The following COLGALT2 variants were observed in gnomAD, a reference collection of about 807,000 sequenced individuals.
COLGALT2 encodes the protein collagen beta(1-O)galactosyltransferase 2.
COLGALT2 carries 49 observed loss-of-function variants against 73.4 expected under a neutral mutation model. The observed-to-expected ratio is 0.67, with a 90% CI of 0.53 to 0.85. COLGALT2 has a LOEUF of 0.85. Among genes scored for constraint, COLGALT2 ranks in the 40% least tolerant of loss-of-function variants. The probability of loss-of-function intolerance (pLI) is 0.00; values close to 1 mark genes in which losing one functional copy is unlikely to be tolerated. For synonymous variants in COLGALT2, 295 were observed against 307.6 expected (o/e 0.96, Z 0.43); for missense variants, 722 against 790.2 (o/e 0.91, Z 1.03).
At position 183,951,126 on chromosome 1, in the gene COLGALT2, G is replaced by A; in HGVS notation, c.1030-13C>T. On this transcript the variant is annotated splice_polypyrimidine_tract_variant and intron_variant, in intron 7 of 11. Coordinates refer to ENST00000361927, the MANE Select transcript of COLGALT2 (RefSeq NM_015101.4). ...TTATCATGAAAATCTAATGCAAGAA[G>A]GAAAAGGGAAAAGACACATAAATTA... The A allele has an allele frequency of 6.4e-7, 1 of 1,569,598 alleles. No individual in the cohort carries two copies. Among genetic ancestry groups the A allele is most frequent in the Non-Finnish European group, 8.8e-7 (1 of 1,139,602 alleles).
At chr1:183,973,498 A>G (rs1671105336) in intron 4 of COLGALT2, 118 bp downstream of exon 4, 3 of 1,309,868 alleles carry the variant, frequency 2.3e-6, no homozygotes, top group East Asian at 4.7e-5. Context: ...TGCTCTGGGA[A>G]CACAATGACA....
intron 1 of COLGALT2, among the ~76,000 whole-genome samples, chr1:184,029,778 G>T (rs910997049): frequency 6.6e-6 from 1 of 152,204 alleles, no homozygotes; most frequent in Non-Finnish European, 1.5e-5. Context: ...TGTTATCAGA[G>T]AGGCCTTCAG....
At chr1:184,020,972 C>A (rs1649162670) in intron 1 of COLGALT2, among the ~76,000 whole-genome samples, 1 of 151,952 alleles carries the variant, frequency 6.6e-6, no homozygotes, top group African/African-American at 2.4e-5. Flanking sequence ...TGGCATTCCC[C>A]AGAGCAAGCA....
chr1:183,930,569 C>CTTT (rs397861890), intron 11 of COLGALT2, among the ~76,000 whole-genome samples: 841 of 114,078 alleles, frequency 7.4e-3, no homozygotes, highest in East Asian at 0.014. Flanking sequence ...TTTTCTTTTT[C>CTTT]TTTTTTTTTT....
downstream of COLGALT2, among the ~76,000 whole-genome samples, chr1:183,932,849 C>T (rs1026056360): frequency 6.6e-6 from 1 of 152,142 alleles, no homozygotes; most frequent in Non-Finnish European, 1.5e-5. Context: ...GAGTCCCCAC[C>T]TCCTTGGGTG....
chr1:183,959,720 C>T (rs1274976493), intron 6 of COLGALT2, among the ~76,000 whole-genome samples: 1 of 152,098 alleles, frequency 6.6e-6, no homozygotes, highest in African/African-American at 2.4e-5. Context: ...CATGCCCCCT[C>T]TGCCCCACCC....
chr1:183,960,832 T>A (rs1670679800), intron 6 of COLGALT2, among the ~76,000 whole-genome samples: 1 of 152,214 alleles, frequency 6.6e-6, no homozygotes, highest in Non-Finnish European at 1.5e-5. Context: ...AGACAATCTT[T>A]CTTCTTCCAG....
chr1:183,960,300 G>A (rs1670664262), intron 6 of COLGALT2, among the ~76,000 whole-genome samples: 1 of 152,044 alleles, frequency 6.6e-6, no homozygotes, highest in Non-Finnish European at 1.5e-5. Context: ...TCTTTTCTTG[G>A]TCTGTTTCCT....
chr1:183,999,815 A>G (rs1671866881), intron 1 of COLGALT2, among the ~76,000 whole-genome samples: 1 of 151,816 alleles, frequency 6.6e-6, no homozygotes, highest in Non-Finnish European at 1.5e-5. Flanking sequence ...CATCCTTTAT[A>G]CTGTTTGTAT....
chr1:183,993,935 G>A (rs2102832306), intron 1 of COLGALT2, among the ~76,000 whole-genome samples: 1 of 149,068 alleles, frequency 6.7e-6, no homozygotes, highest in Non-Finnish European at 1.5e-5. Context: ...ACTGTTATGT[G>A]TATGAAGACA....
chr1:183,957,778 GTTTT>G (rs367921171), intron 6 of COLGALT2, among the ~76,000 whole-genome samples: 7 of 118,918 alleles, frequency 5.9e-5, no homozygotes, highest in Non-Finnish European at 1.0e-4. Context: ...TTTTGTGGTG[GTTTT>G]TTTTTTTTTT....
chr1:184,028,970 C>A (rs900571310), intron 1 of COLGALT2, among the ~76,000 whole-genome samples: 1 of 152,180 alleles, frequency 6.6e-6, no homozygotes, highest in South Asian at 2.1e-4. Context: ...AAGTGAAACA[C>A]GTTACAAAGT....
chr1:183,982,228 T>C (rs1365487634), intron 1 of COLGALT2, among the ~76,000 whole-genome samples: 1 of 152,036 alleles, frequency 6.6e-6, no homozygotes, highest in Non-Finnish European at 1.5e-5. Flanking sequence ...CAGGTGAGCA[T>C]GTTAGGACCA....
At chr1:183,961,117 C>A (rs1221346430) in intron 6 of COLGALT2, among the ~76,000 whole-genome samples, 1 of 152,148 alleles carries the variant, frequency 6.6e-6, no homozygotes, top group South Asian at 2.1e-4. Context: ...TTTCTTACTC[C>A]TATTGTGTTC....
chr1:184,026,734 G>A (rs748078109), intron 1 of COLGALT2, among the ~76,000 whole-genome samples: 1 of 152,094 alleles, frequency 6.6e-6, no homozygotes, highest in African/African-American at 2.4e-5. Context: ...AATTTTTAAT[G>A]GTATGCCAAC....
intron 1 of COLGALT2, among the ~76,000 whole-genome samples, chr1:184,031,958 T>G (rs1361334551): frequency 6.6e-6 from 1 of 151,950 alleles, no homozygotes; most frequent in Non-Finnish European, 1.5e-5. Flanking sequence ...GCACAGTGGC[T>G]CAATCTCGGC....
At chr1:183,954,212 T>C (rs1670489993) in intron 7 of COLGALT2, among the ~76,000 whole-genome samples, 2 of 152,230 alleles carry the variant, frequency 1.3e-5, no homozygotes, top group South Asian at 4.1e-4. Flanking sequence ...TAATAAATAC[T>C]ACCCTTAGAA....
At chr1:184,017,242 A>C (rs1163857843) in intron 1 of COLGALT2, among the ~76,000 whole-genome samples, 1 of 152,230 alleles carries the variant, frequency 6.6e-6, no homozygotes, top group Non-Finnish European at 1.5e-5. Flanking sequence ...AATGCATCTG[A>C]TGTACTTATA....
intron 1 of COLGALT2, among the ~76,000 whole-genome samples, chr1:184,015,739 A>G (rs1484068239): frequency 1.3e-5 from 2 of 152,180 alleles, no homozygotes; most frequent in East Asian, 3.9e-4. Context: ...GATGTGAAGG[A>G]GAGGTGATGC....
Sources: allele counts gnomAD v4.1 joint callset (sites outside exome capture counted in the v4.1 genomes callset), GRCh38; gene constraint gnomAD v4.1.1; transcripts MANE v1.5; gene names NCBI Gene and HGNC (gene_info 2026-07-23, HGNC 2026-07-21).